The following PDE4D variants were observed in gnomAD, a reference collection of about 807,000 sequenced individuals.
PDE4D encodes the protein 3',5'-cyclic-AMP phosphodiesterase 4D.
PDE4D carries 24 observed loss-of-function variants against 87.4 expected under a neutral mutation model. That is an observed-to-expected ratio of 0.27 (90% CI 0.20 to 0.39). PDE4D has a LOEUF of 0.39. Ranked by LOEUF, PDE4D falls within the 10% of genes least tolerant of loss-of-function variation. PDE4D has a pLI of 1.00. For missense variants in PDE4D, 714 were observed against 1,041.0 expected (o/e 0.69, Z 4.32); for synonymous variants, 384 against 383.2 (o/e 1.00, Z -0.02).
In PDE4D at chr5:58,974,664, T is replaced by C; in HGVS notation, c.2430A>G (p.Ter810=). 1.3e-6 allele frequency: 2 copies of C among 1,552,046 alleles called. No individual in the cohort carries two copies. Among genetic ancestry groups the C allele is most frequent in the South Asian group, 1.2e-5 (1 of 82,328 alleles). The change falls in exon 15 of 15, where the codon TAA becomes TAG. Residue 810 remains the stop codon, a stop_retained_variant. Coordinates refer to ENST00000340635, the MANE Select transcript of PDE4D (RefSeq NM_001104631.2). ...CVIDDRSPDT[*] ...AAAAGGCATGAAAGTTTTTGCACTG[T>C]TACGTGTCAGGAGAACGATCATCTA...
intron 2 of PDE4D, among the ~76,000 whole-genome samples, chr5:60,086,687 C>A (rs1282701063): frequency 2.0e-5 from 3 of 152,196 alleles, no homozygotes; most frequent in African/African-American, 7.2e-5. Flanking sequence ...ACATGGTTGA[C>A]AACTCAAGAG....
In PDE4D at chr5:59,859,005, C is replaced by T. The variant is rs554494130; in HGVS notation, c.455+34163G>A. 1.2e-3 allele frequency among the ~76,000 whole-genome samples: 183 copies of T among 152,220 alleles called. 1 individual carries two copies. In the Middle Eastern group the frequency reaches 0.014, roughly 11 times the overall value. On this transcript the variant is annotated intron_variant, in intron 1 of 14. Coordinates refer to ENST00000340635, the MANE Select transcript of PDE4D (RefSeq NM_001104631.2). Reference sequence around the variant, plus strand: ...TACTGAAGCAACATGGGAATTTATGCTTTGTTGGTAAAGCAATAATTCTTG... The same window carrying T: ...TACTGAAGCAACATGGGAATTTATGTTTTGTTGGTAAAGCAATAATTCTTG...
At chr5:59,997,448 C>G (rs1485684948) in intron 2 of PDE4D, among the ~76,000 whole-genome samples, 1 of 151,992 alleles carries the variant, frequency 6.6e-6, no homozygotes, top group East Asian at 1.9e-4. Context: ...AATACCAATA[C>G]CAATCAAAAC....
intron 3 of PDE4D, among the ~76,000 whole-genome samples, chr5:59,907,521 T>G (rs1420466458): frequency 6.6e-6 from 1 of 152,064 alleles, no homozygotes; most frequent in Non-Finnish European, 1.5e-5. Flanking sequence ...TAAAATAACC[T>G]GTTACAACAA....
intron 2 of PDE4D, among the ~76,000 whole-genome samples, chr5:60,027,828 T>G (rs1439568562): frequency 6.6e-6 from 1 of 152,236 alleles, no homozygotes; most frequent in African/African-American, 2.4e-5. Flanking sequence ...CTATCCATAT[T>G]TTTAAAGCAA....
Position 59,864,379 on chromosome 5 carries a change from T to A in PDE4D, c.455+28789A>T, listed in dbSNP as rs994045703. ...TTTCTTTCTTTGGCTGTAACCTGCA[T>A]GTAAAAGAGATTTTCTGTGAATTGA... is the stretch of plus-strand genomic sequence containing the variant. On this transcript the variant is annotated intron_variant, in intron 1 of 14. Coordinates refer to ENST00000340635, the MANE Select transcript of PDE4D (RefSeq NM_001104631.2). Among the ~76,000 whole-genome samples, 129 of 152,346 alleles carry A rather than the reference T, an allele frequency of 8.5e-4. 1 individual carries two copies. Among genetic ancestry groups the A allele is most frequent in the East Asian group, 1.9e-4 (1 of 5,184 alleles).
chr5:59,482,099 C>G (rs1804372564), intron 1 of PDE4D, among the ~76,000 whole-genome samples: 1 of 152,046 alleles, frequency 6.6e-6, no homozygotes, highest in South Asian at 2.1e-4. Flanking sequence ...TGCCTTAGAC[C>G]TAAGAGTAAG....
chr5:60,214,630 T>C lies in PDE4D; in HGVS notation c.-89-28943A>G, dbSNP rs1033656079. ...ACTGCAAAGTATGAAATAGTGATGT[T>C]AGCAGGCATACCACACTATCATGAC... On this transcript the variant is annotated intron_variant, in intron 1 of 16. Coordinates refer to the PDE4D transcript ENST00000502484. 3.3e-5 allele frequency among the ~76,000 whole-genome samples: 5 copies of C among 152,272 alleles called. No individual in the cohort carries two copies. The East Asian group carries it at 9.6e-4, about 29-fold the overall frequency.
chr5:59,551,773 T>C (rs1818164406), intron 1 of PDE4D, among the ~76,000 whole-genome samples: 1 of 152,162 alleles, frequency 6.6e-6, no homozygotes, highest in South Asian at 2.1e-4. Context: ...GAATTGCCTA[T>C]AGTGGAATGA....
At chr5:59,881,403 T>C (rs540504000) in intron 1 of PDE4D, among the ~76,000 whole-genome samples, 2 of 152,282 alleles carry the variant, frequency 1.3e-5, no homozygotes, top group Non-Finnish European at 2.9e-5. Flanking sequence ...TCCTGCAACA[T>C]CATCATCCTG....
chr5:59,042,991 C>T (rs1451424341), intron 5 of PDE4D, among the ~76,000 whole-genome samples: 1 of 152,202 alleles, frequency 6.6e-6, no homozygotes, highest in Non-Finnish European at 1.5e-5. Context: ...CAGTCCATTA[C>T]TCTTACCCAC....
intron 2 of PDE4D, among the ~76,000 whole-genome samples, chr5:59,204,330 A>G (rs966424135): frequency 6.6e-6 from 1 of 152,194 alleles, no homozygotes; most frequent in East Asian, 1.9e-4. Flanking sequence ...AAAATAATCT[A>G]GTCTAAAATG....
chr5:59,681,358 C>A (rs979411448), intron 1 of PDE4D, among the ~76,000 whole-genome samples: 2 of 151,922 alleles, frequency 1.3e-5, no homozygotes, highest in Admixed American at 6.6e-5. Flanking sequence ...GAAACAAGCA[C>A]GAAGAAACAT....
At chr5:59,556,029 A>G (rs1290359837) in intron 1 of PDE4D, among the ~76,000 whole-genome samples, 1 of 152,138 alleles carries the variant, frequency 6.6e-6, no homozygotes, top group Non-Finnish European at 1.5e-5. Context: ...CTCTAAATGT[A>G]TCTCAATGTC....
At chr5:59,312,048 T>C (rs1581899037) in intron 1 of PDE4D, among the ~76,000 whole-genome samples, 1 of 152,076 alleles carries the variant, frequency 6.6e-6, no homozygotes, top group East Asian at 1.9e-4. Flanking sequence ...TTTATCCCAC[T>C]CCCAGACCTT....
intron 2 of PDE4D, among the ~76,000 whole-genome samples, chr5:60,059,252 T>G (rs1444074438): frequency 6.6e-6 from 1 of 151,924 alleles, no homozygotes; most frequent in Non-Finnish European, 1.5e-5. Context: ...ACTTCCCAGT[T>G]TCTTGCATTC....
At chr5:59,014,996 A>G (rs1047941074) in intron 6 of PDE4D, among the ~76,000 whole-genome samples, 1 of 152,224 alleles carries the variant, frequency 6.6e-6, no homozygotes, top group Non-Finnish European at 1.5e-5. Flanking sequence ...GATCTTTGAC[A>G]AACCTGACAA....
At chr5:59,055,879 C>T (rs1047145862) in intron 5 of PDE4D, among the ~76,000 whole-genome samples, 23 of 152,204 alleles carry the variant, frequency 1.5e-4, no homozygotes, top group Admixed American at 5.9e-4. Context: ...ACCAGTAATA[C>T]GAGAAGCTTG....
chr5:59,511,899 C>G (rs946538128), intron 1 of PDE4D, among the ~76,000 whole-genome samples: 11 of 152,052 alleles, frequency 7.2e-5, no homozygotes, highest in African/African-American at 2.7e-4. Flanking sequence ...AATTTCTGTT[C>G]TATGGATTCA....
Sources: gnomAD v4.1 joint callset for allele counts (sites outside exome capture counted in the v4.1 genomes callset) on GRCh38, gnomAD v4.1.1 for gene constraint, MANE v1.5 for transcripts, NCBI Gene and HGNC (gene_info 2026-07-23, HGNC 2026-07-21) for gene names.